The following HMMR variants were observed in gnomAD, a reference collection of about 807,000 sequenced individuals.
HMMR encodes the protein intracellular hyaluronic acid-binding protein.
In HMMR, 108 loss-of-function variants were observed where a neutral mutation model predicts 101.0. The ratio of observed to expected loss-of-function variants is 1.07; its 90% CI spans 0.92 to 1.25. The LOEUF is 1.25. Among genes scored for constraint, HMMR ranks in the 50% most tolerant of loss-of-function variants. The pLI is 0.00. For synonymous variants in HMMR, 296 were observed against 276.4 expected, an observed-to-expected ratio of 1.07 and a Z score of -0.70; for missense variants, 813 against 788.7, an observed-to-expected ratio of 1.03 and a Z score of -0.37.
chr5:163,486,167 A>G (rs76977724), intron 16 of HMMR, among the ~76,000 whole-genome samples: 4,131 of 152,286 alleles, frequency 0.027, 330 homozygotes, highest in Admixed American at 0.15. Flanking sequence ...TTTTTCTACA[A>G]AGAAACCAGC....
chr5:163,480,777 CT>C (rs1356718234), intron 12 of HMMR, among the ~76,000 whole-genome samples: 2 of 152,040 alleles, frequency 1.3e-5, no homozygotes, highest in Non-Finnish European at 2.9e-5. Flanking sequence ...TTGTTTATGA[CT>C]TTTGTTTATT....
chr5:163,464,820 G>C lies in HMMR; in HGVS notation c.225+18G>C. The C allele has an allele frequency of 6.6e-7, 1 of 1,514,160 alleles. No individual in the cohort carries two copies. The allele number at this position is 1,514,160 out of a possible 1,614,324, so 93.8% of individuals were successfully genotyped here. Reference sequence around the variant, plus strand: ...AATCAAAGGTGAGGAGCTTTTATATGCCAGCTGGTTTATCAAGTGTATCAT... The same window carrying C: ...AATCAAAGGTGAGGAGCTTTTATATCCCAGCTGGTTTATCAAGTGTATCAT... On this transcript the variant is annotated intron_variant, in intron 3 of 17. Coordinates refer to ENST00000393915, the MANE Select transcript of HMMR (RefSeq NM_001142556.2).
At chr5:163,465,153 A>G (rs1232643399) in intron 3 of HMMR, 1 of 204,064 alleles carries the variant, frequency 4.9e-6, no homozygotes. Context: ...GGGGAAGGGT[A>G]AGTGTTTTTG....
chr5:163,466,449 C>G (rs1758711681), intron 3 of HMMR, among the ~76,000 whole-genome samples: 2 of 152,086 alleles, frequency 1.3e-5, no homozygotes, highest in South Asian at 4.1e-4. Context: ...TATTGAGCAA[C>G]TGAAATGTGG....
chr5:163,464,837 G>A, intron 3 of HMMR, 35 bp downstream of exon 3: 2 of 1,302,622 alleles, frequency 1.5e-6, no homozygotes, highest in Non-Finnish European at 2.2e-6. Context: ...GGTTTATCAA[G>A]TGTATCATCA....
rs371810814 is a variant in HMMR, at chr5:163,486,198, C to T, written c.1962+1953C>T. On this transcript the variant is annotated intron_variant, in intron 16 of 17. Transcript: ENST00000393915. ...CCAGCTGGGATTCTGATGGGAATTG[C>T]ATTGAATCTGTAGATCAGTTTGGGA... Among the ~76,000 whole-genome samples, 10 of 152,274 alleles carry T rather than the reference C, an allele frequency of 6.6e-5. No individual in the cohort carries two copies. The East Asian group carries it at 1.7e-3, about 26-fold the overall frequency.
At chr5:163,477,918 A>G (rs920411394) in intron 11 of HMMR, among the ~76,000 whole-genome samples, 1 of 152,182 alleles carries the variant, frequency 6.6e-6, no homozygotes, top group Non-Finnish European at 1.5e-5. Flanking sequence ...TGTGGTGTGT[A>G]TATTTTTGAA....
At chr5:163,473,837 G>T (rs755633992) in intron 9 of HMMR, among the ~76,000 whole-genome samples, 1 of 152,004 alleles carries the variant, frequency 6.6e-6, no homozygotes, top group Non-Finnish European at 1.5e-5. Flanking sequence ...CTAGGTGGCT[G>T]TGTAACAATC....
At chr5:163,485,128 CT>C (rs888424215) in intron 16 of HMMR, among the ~76,000 whole-genome samples, 5 of 152,008 alleles carry the variant, frequency 3.3e-5, no homozygotes, top group African/African-American at 9.7e-5. Context: ...TATTATTTCC[CT>C]GGGAAATAAT....
intron 10 of HMMR, among the ~76,000 whole-genome samples, chr5:163,474,933 A>G (rs1759019686): frequency 1.3e-5 from 2 of 152,060 alleles, no homozygotes; most frequent in African/African-American, 4.8e-5. Context: ...ATGTATATAT[A>G]AGTGTAAAGA....
rs1452732844 is a variant in HMMR, at chr5:163,484,252, A to G, written c.1962+7A>G. The G allele has an allele frequency of 2.6e-6, 4 of 1,525,056 alleles. No homozygotes were observed. The Admixed American group carries it at 5.6e-5, about 21-fold the overall frequency. 94.5% of individuals were successfully genotyped at this position (1,525,056 alleles called of 1,614,324 possible). On this transcript the variant is annotated splice_region_variant and intron_variant, in intron 16 of 17. Coordinates refer to ENST00000393915, the MANE Select transcript of HMMR (RefSeq NM_001142556.2). The stretch of plus-strand genomic sequence containing the variant: ...AAATAGCCAACTCAAATCGGTTTGT[A>G]AAATGACTTTTCATTTTATTAAAGA...
In HMMR at chr5:163,482,799, C is replaced by T. The variant is rs770962759; in HGVS notation, c.1532+11C>T. Reference sequence around the variant, plus strand: ...TCAAGAATATGTAAGGTATATAGAGCAAATAATGGCCTTAGAACCATTAAG... The same window carrying T: ...TCAAGAATATGTAAGGTATATAGAGTAAATAATGGCCTTAGAACCATTAAG... On this transcript the variant is annotated intron_variant, in intron 13 of 17. Coordinates refer to ENST00000393915, the MANE Select transcript of HMMR (RefSeq NM_001142556.2). 2 of 1,605,918 alleles carry T rather than the reference C, an allele frequency of 1.2e-6. No individual in the cohort carries two copies. Among genetic ancestry groups the T allele is most frequent in the Non-Finnish European group, 8.5e-7 (1 of 1,173,220 alleles).
At chr5:163,470,839 A>G (rs1758862618) in intron 5 of HMMR, among the ~76,000 whole-genome samples, 1 of 151,964 alleles carries the variant, frequency 6.6e-6, no homozygotes, top group African/African-American at 2.4e-5. Context: ...ACAAATTGAA[A>G]AATTAGCTAG....
At position 163,463,921 on chromosome 5, in the gene HMMR, T is replaced by C; in HGVS notation, c.112T>C (p.Phe38Leu). ...TLEVLKGPVS[F>L]QKSQRFKQQK... ...AGAAGTATTGAAAGGACCAGTATCC[T>C]TTCAGAAATCACAAAGATTTAAACA... Residue 38 changes from phenylalanine (F) to leucine (L), a missense_variant, in exon 2 of 18, where the codon TTT (phenylalanine) becomes CTT (leucine). By Grantham distance (22) the Phe-to-Leu change is conservative. Coordinates refer to ENST00000393915, the MANE Select transcript of HMMR (RefSeq NM_001142556.2). 1 of 1,454,886 alleles carries C rather than the reference T, an allele frequency of 6.9e-7. No individual in the cohort carries two copies. The highest frequency in any genetic ancestry group is 9.2e-7 in the Non-Finnish European group (1 of 1,086,732). The allele number at this position is 1,454,886 out of a possible 1,614,324, so 90.1% of individuals were successfully genotyped here.
chr5:163,477,920 A>G (rs1397251632), intron 11 of HMMR, among the ~76,000 whole-genome samples: 1 of 152,142 alleles, frequency 6.6e-6, no homozygotes, highest in Non-Finnish European at 1.5e-5. Flanking sequence ...TGGTGTGTAT[A>G]TTTTTGAAAT....
chr5:163,462,349 C>T (rs554161377), intron 1 of HMMR, among the ~76,000 whole-genome samples: 20 of 148,640 alleles, frequency 1.3e-4, no homozygotes, highest in African/African-American at 5.0e-4. Context: ...GGTGACAGTG[C>T]GAGACTCTGT....
chr5:163,477,234 T>C (rs1478116967), intron 11 of HMMR, among the ~76,000 whole-genome samples: 1 of 152,240 alleles, frequency 6.6e-6, no homozygotes, highest in Non-Finnish European at 1.5e-5. Flanking sequence ...GAACACAGGT[T>C]AGTGACAAAC....
intron 1 of HMMR, 95 bp from the exon 2 acceptor site, chr5:163,463,761 C>T (rs1360141280): frequency 5.9e-6 from 3 of 506,906 alleles, no homozygotes; most frequent in Admixed American, 4.4e-5. Context: ...TTGTTAATGA[C>T]ATTTTTACAT....
At chr5:163,474,554 A>T (rs1372691863) in intron 10 of HMMR, 1 of 457,502 alleles carries the variant, frequency 2.2e-6, no homozygotes, top group Non-Finnish European at 4.4e-6. Flanking sequence ...TTTAAAATCC[A>T]GATTATTTAT....
Sources: gnomAD v4.1 joint callset for allele counts (sites outside exome capture counted in the v4.1 genomes callset) on GRCh38, gnomAD v4.1.1 for gene constraint, MANE v1.5 for transcripts, NCBI Gene and HGNC (gene_info 2026-07-23, HGNC 2026-07-21) for gene names.